SNX14: variants seen among roughly 807,000 people sequenced by gnomAD.
SNX14 encodes the protein sorting nexin-14.
A neutral mutation model predicts 133.8 loss-of-function variants in SNX14; 93 were observed. The observed-to-expected ratio is 0.70, with a 90% CI of 0.59 to 0.83. SNX14 has a LOEUF of 0.83. SNX14 is among the 40% of genes least tolerant of loss of function. The pLI is 0.00. For synonymous variants in SNX14, 368 were observed against 365.6 expected (o/e 1.01, Z -0.07); for missense variants, 945 against 1,094.9 (o/e 0.86, Z 1.93).
At chr6:85,550,660 G>A (rs972753225) in intron 7 of SNX14, among the ~76,000 whole-genome samples, 2 of 151,944 alleles carry the variant, frequency 1.3e-5, no homozygotes, top group African/African-American at 4.8e-5. Context: ...TCCTGTGCCC[G>A]GCTAATTTTT....
intron 1 of SNX14, among the ~76,000 whole-genome samples, chr6:85,592,235 T>C (rs573255188): frequency 3.3e-5 from 5 of 152,180 alleles, no homozygotes; most frequent in Non-Finnish European, 5.9e-5. Context: ...CTCAATAATA[T>C]TTAAACCAAG....
chr6:85,515,599 C>G (rs1774690240), intron 23 of SNX14, among the ~76,000 whole-genome samples: 1 of 152,028 alleles, frequency 6.6e-6, no homozygotes, highest in African/African-American at 2.4e-5. Flanking sequence ...TTAAAAGCCT[C>G]CTAGAAAAGT....
At chr6:85,531,863 C>A (rs1562248574) in intron 18 of SNX14, among the ~76,000 whole-genome samples, 2 of 151,852 alleles carry the variant, frequency 1.3e-5, no homozygotes, top group Non-Finnish European at 2.9e-5. Flanking sequence ...CTTTTCTCTA[C>A]AAAAAAATTT....
intron 4 of SNX14, among the ~76,000 whole-genome samples, chr6:85,571,322 T>C (rs1297302084): frequency 1.4e-5 from 2 of 141,280 alleles, no homozygotes; most frequent in Non-Finnish European, 3.0e-5. Flanking sequence ...ATCGCACCAC[T>C]GCACTCCGGC....
chr6:85,553,230 G>T (rs1235790437), intron 7 of SNX14, among the ~76,000 whole-genome samples: 2 of 152,192 alleles, frequency 1.3e-5, no homozygotes, highest in African/African-American at 4.8e-5. Flanking sequence ...TACTAAGAAG[G>T]TAAATCAAGG....
Position 85,538,667 on chromosome 6 carries a change from T to C in SNX14, c.1475+171A>G, listed in dbSNP as rs112792693. On this transcript the variant is annotated intron_variant, in intron 16 of 28. Coordinates refer to ENST00000314673, the MANE Select transcript of SNX14 (RefSeq NM_153816.6). Reference sequence around the variant, plus strand: ...ATCATGCTATTTCAAAAAGGAGGTATGTAGAATAAAAGTAGGTATTCATTT... The same window carrying C: ...ATCATGCTATTTCAAAAAGGAGGTACGTAGAATAAAAGTAGGTATTCATTT... 6.2e-3 allele frequency among the ~76,000 whole-genome samples: 950 copies of C among 152,292 alleles called. 7 individuals carry two copies. The highest frequency in any genetic ancestry group is 0.022 in the African/African-American group (900 of 41,578).
intron 20 of SNX14, among the ~76,000 whole-genome samples, chr6:85,528,029 G>T (rs1779037737): frequency 6.6e-6 from 1 of 151,868 alleles, no homozygotes; most frequent in South Asian, 2.1e-4. Context: ...ACTAAGTAAA[G>T]ATTTTTCTTC....
At chr6:85,508,145 G>A (rs1193600102) in intron 26 of SNX14, 86 bp from the exon 27 acceptor site, 2 of 1,494,092 alleles carry the variant, frequency 1.3e-6, no homozygotes, top group Non-Finnish European at 1.8e-6. Context: ...TCACCACCCT[G>A]TTTCCCAGAT....
intron 26 of SNX14, among the ~76,000 whole-genome samples, chr6:85,512,839 G>A (rs955530366): frequency 4.6e-5 from 7 of 152,132 alleles, no homozygotes; most frequent in Non-Finnish European, 7.4e-5. Flanking sequence ...GTGGCTTGCC[G>A]TATGACCTCA....
intron 1 of SNX14, among the ~76,000 whole-genome samples, chr6:85,587,013 T>C (rs1364802415): frequency 2.0e-5 from 3 of 151,968 alleles, no homozygotes; most frequent in African/African-American, 7.3e-5. Context: ...GCCACTGCAC[T>C]CCAGCCTAGG....
chr6:85,576,177 C>A (rs1473034841), intron 1 of SNX14, among the ~76,000 whole-genome samples: 1 of 152,046 alleles, frequency 6.6e-6, no homozygotes. Flanking sequence ...CCCTCACTAC[C>A]AGAGAAACCA....
At chr6:85,521,696 G>GA (rs561678155) in intron 21 of SNX14, among the ~76,000 whole-genome samples, 5 of 151,788 alleles carry the variant, frequency 3.3e-5, no homozygotes, top group African/African-American at 4.8e-5. Flanking sequence ...CTGTTTAAAA[G>GA]AAAAAAAGGC....
At chr6:85,547,602 C>T (rs1177844167) in intron 9 of SNX14, 52 bp from the exon 10 acceptor site, 2 of 1,388,658 alleles carry the variant, frequency 1.4e-6, no homozygotes. Context: ...CTGTATTCTC[C>T]CCAGAATTCT....
At chr6:85,515,624 G>A (rs1774700647) in intron 23 of SNX14, among the ~76,000 whole-genome samples, 1 of 152,058 alleles carries the variant, frequency 6.6e-6, no homozygotes, top group Non-Finnish European at 1.5e-5. Flanking sequence ...TGAGAACAAA[G>A]ACCATATATT....
chr6:85,556,262 C>T (rs1189474916), intron 7 of SNX14, among the ~76,000 whole-genome samples: 6 of 151,852 alleles, frequency 4.0e-5, no homozygotes, highest in Non-Finnish European at 8.8e-5. Flanking sequence ...TACAACACAA[C>T]AATTAAGTTA....
intron 23 of SNX14, 28 bp from the exon 24 acceptor site, chr6:85,514,657 G>T (rs1562192789): frequency 1.3e-6 from 2 of 1,586,212 alleles, no homozygotes; most frequent in Admixed American, 1.7e-5. Flanking sequence ...ATAATAAAGA[G>T]ATATATAGTT....
Position 85,567,585 on chromosome 6 carries a change from A to C in SNX14, c.418-8T>G. The stretch of plus-strand genomic sequence containing the variant: ...CAACACTAATTCAAGAACCTGCATA[A>C]ACAATTATTTTTTAAAGAAAAATAA... On this transcript the variant is annotated splice_region_variant and splice_polypyrimidine_tract_variant and intron_variant, in intron 4 of 28. Transcript: ENST00000314673. 1 of 1,502,586 alleles carries C rather than the reference A, an allele frequency of 6.7e-7. No homozygotes were observed. The highest frequency in any genetic ancestry group is 1.3e-5 in the South Asian group (1 of 76,572). 93.1% of individuals were successfully genotyped at this position (1,502,586 alleles called of 1,614,324 possible).
intron 8 of SNX14, among the ~76,000 whole-genome samples, chr6:85,549,498 T>C (rs888632666): frequency 2.6e-5 from 4 of 152,122 alleles, no homozygotes; most frequent in Non-Finnish European, 4.4e-5. Flanking sequence ...AGATCAGTTT[T>C]AAAGAAAAAT....
chr6:85,578,861 C>T (rs900400986), intron 1 of SNX14, among the ~76,000 whole-genome samples: 1 of 152,044 alleles, frequency 6.6e-6, no homozygotes, highest in Non-Finnish European at 1.5e-5. Context: ...GGTAGCCGGG[C>T]GCAGTGGGTC....
Sources: gnomAD v4.1 joint callset for allele counts (sites outside exome capture counted in the v4.1 genomes callset) on GRCh38, gnomAD v4.1.1 for gene constraint, MANE v1.5 for transcripts, NCBI Gene and HGNC (gene_info 2026-07-23, HGNC 2026-07-21) for gene names.